The following AGPAT4 variants were observed in gnomAD, a reference collection of about 807,000 sequenced individuals.
The protein encoded by AGPAT4 is 1-acylglycerol-3-phosphate O-acyltransferase 4, also known as 1-acyl-sn-glycerol-3-phosphate acyltransferase delta.
A neutral mutation model predicts 48.0 loss-of-function variants in AGPAT4; 15 were observed. That is an observed-to-expected ratio of 0.31 (90% CI 0.21 to 0.48). AGPAT4 has a LOEUF of 0.48. Ranked by LOEUF, AGPAT4 falls within the 20% of genes least tolerant of loss-of-function variation. The pLI is 0.99. For synonymous variants in AGPAT4, 178 were observed against 198.7 expected (o/e 0.90, Z 0.88); for missense variants, 314 against 482.5 (o/e 0.65, Z 3.27).
At chr6:161,145,490 CTG>C (rs1404920932) in intron 7 of AGPAT4, among the ~76,000 whole-genome samples, 1 of 151,656 alleles carries the variant, frequency 6.6e-6, no homozygotes, top group Non-Finnish European at 1.5e-5. Context: ...ATTCCAAAAA[CTG>C]AGCAAACTTA....
intron 1 of AGPAT4, among the ~76,000 whole-genome samples, chr6:161,268,432 C>A (rs1783328210): frequency 6.6e-6 from 1 of 152,200 alleles, no homozygotes; most frequent in African/African-American, 2.4e-5. Context: ...GCTGCACCTA[C>A]TGACCCATCC....
chr6:161,211,987 G>T (rs56211836), intron 2 of AGPAT4, among the ~76,000 whole-genome samples: 1,817 of 152,242 alleles, frequency 0.012, 21 homozygotes, highest in Non-Finnish European at 0.019. Context: ...TGTAAAGGTC[G>T]ATTTTGAAAG....
rs1166379668 is a variant in AGPAT4, at chr6:161,133,438, T to TG, written c.*3101dup. On this transcript the variant is annotated 3_prime_UTR_variant, in exon 9 of 9. Coordinates refer to ENST00000320285, the MANE Select transcript of AGPAT4 (RefSeq NM_020133.3). Reference sequence around the variant, plus strand: ...TACTGTGTGATCATATGAAAAAAGTTGGTTTTCTCTCTGTCAAAGTCAATA... The same window carrying TG: ...TACTGTGTGATCATATGAAAAAAGTTGGGTTTTCTCTCTGTCAAAGTCAATA... 6.6e-6 allele frequency: 1 copy of TG among 152,206 alleles called. No individual in the cohort carries two copies. Among genetic ancestry groups the TG allele is most frequent in the East Asian group, 1.9e-4 (1 of 5,202 alleles). 9.4% of individuals were successfully genotyped at this position (152,206 alleles called of 1,614,324 possible).
At chr6:161,273,557 A>G (rs1783493353) in intron 1 of AGPAT4, among the ~76,000 whole-genome samples, 2 of 152,162 alleles carry the variant, frequency 1.3e-5, no homozygotes, top group South Asian at 4.1e-4. Flanking sequence ...ATGTAATAGG[A>G]ACATTCCCCC....
intron 2 of AGPAT4, among the ~76,000 whole-genome samples, chr6:161,170,026 G>A (rs1780218019): frequency 6.6e-6 from 1 of 152,162 alleles, no homozygotes; most frequent in Admixed American, 6.5e-5. Flanking sequence ...GTTGTATTTT[G>A]CTCTGTGACC....
chr6:161,152,617 A>C (rs1779625078), intron 5 of AGPAT4, among the ~76,000 whole-genome samples: 1 of 152,142 alleles, frequency 6.6e-6, no homozygotes, highest in Non-Finnish European at 1.5e-5. Flanking sequence ...GAGAGGAGAC[A>C]AGAGGATAAG....
rs1240372450 is a variant in AGPAT4 at position 161,245,209 on chromosome 6, G to A, written c.-89-12907C>T. ...GGGGACCTGAGTGTGATTCTTGATC[G>A]TTGATCCTCATCCCTTTGGTCACGT... is the stretch of plus-strand genomic sequence containing the variant. On this transcript the variant is annotated intron_variant, in intron 1 of 8. Coordinates refer to ENST00000320285, the MANE Select transcript of AGPAT4 (RefSeq NM_020133.3). This position sits in a 1 kb window ranked among gnomAD's most constrained non-coding sequence, Gnocchi z 5.2. 2.0e-5 allele frequency among the ~76,000 whole-genome samples: 3 copies of A among 152,320 alleles called. No individual in the cohort carries two copies. The highest frequency in any genetic ancestry group is 6.5e-5 in the Admixed American group (1 of 15,296).
Position 161,272,339 on chromosome 6 carries a change from A to G in AGPAT4, c.-90+1599T>C, listed in dbSNP as rs1783450328. 6.6e-6 allele frequency among the ~76,000 whole-genome samples: 1 copy of G among 152,226 alleles called. No individual in the cohort carries two copies. The highest frequency in any genetic ancestry group is 2.4e-5 in the African/African-American group (1 of 41,468). On this transcript the variant is annotated intron_variant, in intron 1 of 8. Coordinates refer to ENST00000320285, the MANE Select transcript of AGPAT4 (RefSeq NM_020133.3). This position sits in a 1 kb window ranked among gnomAD's most constrained non-coding sequence, Gnocchi z 4.2. ...GGCTAAGTGACCTTCACACATGTTT[A>G]TCTTAAATTATAGATAATTTTAAGA...
rs1430127135 is a variant in AGPAT4, at chr6:161,259,342, A to C, written c.-90+14596T>G. Among the ~76,000 whole-genome samples, 2 of 152,086 alleles carry C rather than the reference A, an allele frequency of 1.3e-5. No homozygotes were observed. The highest frequency in any genetic ancestry group is 4.8e-5 in the African/African-American group (2 of 41,422). On this transcript the variant is annotated intron_variant, in intron 1 of 8. Coordinates refer to ENST00000320285, the MANE Select transcript of AGPAT4 (RefSeq NM_020133.3). This position sits in a 1 kb window ranked among gnomAD's most constrained non-coding sequence, Gnocchi z 4.9. ...CAGACCTCTGCACCCCTGAAGCTTT[A>C]ACAGCACCAATCATCCTTTCTATAC...
chr6:161,165,257 G>T lies in AGPAT4; in HGVS notation c.348+991C>A, dbSNP rs557727739. On this transcript the variant is annotated intron_variant, in intron 3 of 8. Transcript: ENST00000320285. This position sits in a 1 kb window ranked among gnomAD's most constrained non-coding sequence, Gnocchi z 5.5. The stretch of plus-strand genomic sequence containing the variant: ...CAAGAAGATATCAAGTTAGCACTGG[G>T]AGAATAAATAGGAAAACAAAAGGAG... Among the ~76,000 whole-genome samples, 327 of 152,292 alleles carry T rather than the reference G, an allele frequency of 2.1e-3. 2 individuals carry two copies. The highest frequency in any genetic ancestry group is 7.4e-3 in the African/African-American group (309 of 41,574).
At chr6:161,253,380 G>A (rs1002064207) in intron 1 of AGPAT4, among the ~76,000 whole-genome samples, 3 of 149,574 alleles carry the variant, frequency 2.0e-5, no homozygotes, top group Admixed American at 1.3e-4. Context: ...TCAGCCTCCC[G>A]AGTAGCTGGG....
Position 161,264,229 on chromosome 6 carries a change from TACA to T in AGPAT4, c.-90+9706_-90+9708del, listed in dbSNP as rs1020944859. Among the ~76,000 whole-genome samples the T allele has an allele frequency of 4.6e-5, 7 of 152,182 alleles. No homozygotes were observed. The highest frequency in any genetic ancestry group is 1.9e-4 in the East Asian group (1 of 5,186). ...CTCAGGGCGTCAAAGACACCCTCCA[TACA>T]ACAAGTTACCAAACCCTCCTGGCTT... On this transcript the variant is annotated intron_variant, in intron 1 of 8. Coordinates refer to ENST00000320285, the MANE Select transcript of AGPAT4 (RefSeq NM_020133.3). The surrounding 1 kb of genome is among the most constrained non-coding windows in gnomAD (Gnocchi z 6.8).
rs999460151 is a variant in AGPAT4, at chr6:161,266,098, T to C, written c.-90+7840A>G. Among the ~76,000 whole-genome samples, 1 of 152,142 alleles carries C rather than the reference T, an allele frequency of 6.6e-6. No individual in the cohort carries two copies. Among genetic ancestry groups the C allele is most frequent in the Non-Finnish European group, 1.5e-5 (1 of 68,024 alleles). ...GCAAGTTTGTCCCTCTAGGGGATTT[T>C]TGGCTGTCACAAGTAGGAGTGGGGT... On this transcript the variant is annotated intron_variant, in intron 1 of 8. Coordinates refer to ENST00000320285, the MANE Select transcript of AGPAT4 (RefSeq NM_020133.3). This position sits in a 1 kb window ranked among gnomAD's most constrained non-coding sequence, Gnocchi z 6.2.
intron 2 of AGPAT4, among the ~76,000 whole-genome samples, chr6:161,186,659 G>A (rs1463642842): frequency 1.3e-5 from 2 of 152,006 alleles, no homozygotes; most frequent in Admixed American, 1.3e-4. Context: ...GGCTCCGCAC[G>A]ATCAACCAGA....
intron 2 of AGPAT4, among the ~76,000 whole-genome samples, chr6:161,203,381 CTTTTT>C (rs10585542): frequency 7.2e-5 from 8 of 110,792 alleles, no homozygotes; most frequent in Admixed American, 9.2e-5. Context: ...CTTTTTCTTT[CTTTTT>C]TTTTTTTTTT....
chr6:161,138,208 T>C lies in AGPAT4; in HGVS notation c.1042+1214A>G, dbSNP rs758930341. On this transcript the variant is annotated intron_variant, in intron 8 of 8. Transcript: ENST00000320285. This position sits in a 1 kb window ranked among gnomAD's most constrained non-coding sequence, Gnocchi z 4.8. ...AGGTGCTTTCTTCTCCAACCTCTTA[T>C]TTTTTTCCCTTACACGGTGTGGGTG... Among the ~76,000 whole-genome samples, 1 of 152,218 alleles carries C rather than the reference T, an allele frequency of 6.6e-6. No individual in the cohort carries two copies. The highest frequency in any genetic ancestry group is 2.4e-5 in the African/African-American group (1 of 41,458).
In AGPAT4 at chr6:161,138,025, G is replaced by GGT. The variant is rs969135971; in HGVS notation, c.1043-1393_1043-1392dup. On this transcript the variant is annotated intron_variant, in intron 8 of 8. Coordinates refer to ENST00000320285, the MANE Select transcript of AGPAT4 (RefSeq NM_020133.3). The surrounding 1 kb of genome is among the most constrained non-coding windows in gnomAD (Gnocchi z 4.8). ...AGGGGCCCCTCTCCAAGACGGCGTG[G>GGT]GTGTGTGTGTGCCTTGCTGTTGCCT... Among the ~76,000 whole-genome samples the GGT allele has an allele frequency of 9.9e-5, 15 of 152,124 alleles. No homozygotes were observed. The highest frequency in any genetic ancestry group is 3.1e-4 in the African/African-American group (13 of 41,408).
At position 161,165,617 on chromosome 6, in the gene AGPAT4, G is replaced by A. The variant is rs781466091; in HGVS notation, c.348+631C>T. 3.1e-6 allele frequency: 4 copies of A among 1,301,238 alleles called. No homozygotes were observed. Among genetic ancestry groups the A allele is most frequent in the Non-Finnish European group, 4.0e-6 (4 of 988,434 alleles). The allele number at this position is 1,301,238 out of a possible 1,614,324, so 80.6% of individuals were successfully genotyped here. A position where few individuals can be genotyped will look rare whatever the true frequency, so the allele number is the denominator to read the frequency against. On this transcript the variant is annotated intron_variant, in intron 3 of 8. Coordinates refer to ENST00000320285, the MANE Select transcript of AGPAT4 (RefSeq NM_020133.3). This position sits in a 1 kb window ranked among gnomAD's most constrained non-coding sequence, Gnocchi z 5.5. ...GACTCTGATTCAGCTATGTGACACA[G>A]GCTCAACCGCTACACGCTGCAGTGT... is the stretch of plus-strand genomic sequence containing the variant.
Position 161,164,178 on chromosome 6 carries a change from T to C in AGPAT4, c.348+2070A>G, listed in dbSNP as rs1780024777. On this transcript the variant is annotated intron_variant, in intron 3 of 8. Coordinates refer to ENST00000320285, the MANE Select transcript of AGPAT4 (RefSeq NM_020133.3). This position sits in a 1 kb window ranked among gnomAD's most constrained non-coding sequence, Gnocchi z 7.4. ...AGCAAAACCCTAAACGGTGCTGAGATTAAATTCCCGCTCCGTGAATGTCTC... is the reference window on the plus strand; with the variant it reads ...AGCAAAACCCTAAACGGTGCTGAGACTAAATTCCCGCTCCGTGAATGTCTC... 6.6e-6 allele frequency among the ~76,000 whole-genome samples: 1 copy of C among 152,150 alleles called. No homozygotes were observed. Among genetic ancestry groups the C allele is most frequent in the South Asian group, 2.1e-4 (1 of 4,822 alleles).
Sources: gnomAD v4.1 joint callset for allele counts (sites outside exome capture counted in the v4.1 genomes callset) on GRCh38, gnomAD v4.1.1 for gene constraint, Gnocchi (gnomAD v3.1) non-coding constraint, MANE v1.5 for transcripts, NCBI Gene and HGNC (gene_info 2026-07-23, HGNC 2026-07-21) for gene names.